The following ACTR3C variants were observed in gnomAD, a reference collection of about 807,000 sequenced individuals.
The protein encoded by ACTR3C is actin related protein 3C.
A neutral mutation model predicts 26.3 loss-of-function variants in ACTR3C; 18 were observed. The ratio of observed to expected loss-of-function variants is 0.68; its 90% CI spans 0.47 to 1.01. The LOEUF (loss-of-function observed/expected upper bound fraction) is 1.01. Ranked by LOEUF, ACTR3C falls within the 50% of genes least tolerant of loss-of-function variation. ACTR3C has a pLI of 0.00. For missense variants in ACTR3C, 184 were observed against 250.7 expected (o/e 0.73, Z 1.80); for synonymous variants, 55 against 94.5 (o/e 0.58, Z 2.42).
intron 6 of ACTR3C, among the ~76,000 whole-genome samples, chr7:150,249,698 G>A (rs866960042): frequency 3.0e-4 from 45 of 152,144 alleles, no homozygotes; most frequent in African/African-American, 1.0e-3. Context: ...CAGGTGATCC[G>A]CCTGCCTCGG....
At chr7:149,987,734 C>T in the ACTR3C span, among the ~76,000 whole-genome samples, 4 of 148,834 alleles carry the variant, frequency 2.7e-5, no homozygotes, top group Admixed American at 6.7e-5. Flanking sequence ...CATCATGCCT[C>T]GAAATCATTC....
the ACTR3C span, among the ~76,000 whole-genome samples, chr7:149,949,760 A>G: frequency 6.8e-6 from 1 of 147,112 alleles, no homozygotes; most frequent in South Asian, 2.1e-4. Context: ...GCAGAGTACA[A>G]TGTTCTGGCC....
At chr7:149,931,548 A>T in the ACTR3C span, among the ~76,000 whole-genome samples, 1 of 152,166 alleles carries the variant, frequency 6.6e-6, no homozygotes, top group African/African-American at 2.4e-5. Context: ...GTGACACGCC[A>T]TGGCTTTGCA....
At chr7:150,305,560 G>A (rs1795748969) in intron 1 of ACTR3C, among the ~76,000 whole-genome samples, 2 of 152,142 alleles carry the variant, frequency 1.3e-5, no homozygotes, top group African/African-American at 4.8e-5. Context: ...CTCATTGCTG[G>A]TCGTCTGCAT....
intron 1 of ACTR3C, among the ~76,000 whole-genome samples, chr7:150,307,727 G>C (rs1248747442): frequency 6.6e-6 from 1 of 152,112 alleles, no homozygotes; most frequent in African/African-American, 2.4e-5. Context: ...CTTGGTTCGG[G>C]GGACCTCCCT....
the ACTR3C span, among the ~76,000 whole-genome samples, chr7:150,193,102 A>C: frequency 1.3e-5 from 2 of 152,152 alleles, no homozygotes; most frequent in African/African-American, 2.4e-5. Context: ...TGTCTTCCCC[A>C]GTCAATCCTC....
the ACTR3C span, among the ~76,000 whole-genome samples, chr7:150,098,853 A>C: frequency 6.6e-6 from 1 of 151,582 alleles, no homozygotes; most frequent in East Asian, 1.9e-4. Flanking sequence ...GAACACAAGG[A>C]AATCACGTGG....
chr7:150,227,755 G>T, the ACTR3C span, among the ~76,000 whole-genome samples: 184 of 131,562 alleles, frequency 1.4e-3, no homozygotes, highest in African/African-American at 5.3e-3. Context: ...TTTTTGAAAA[G>T]ACTTTTTTTT....
the ACTR3C span, among the ~76,000 whole-genome samples, chr7:150,036,461 G>A: frequency 6.8e-4 from 99 of 146,074 alleles, 3 homozygotes; most frequent in African/African-American, 2.1e-3. Context: ...TTGTCAGATC[G>A]GGTAGCCCCA....
At chr7:150,150,308 G>T in the ACTR3C span, among the ~76,000 whole-genome samples, 1 of 152,174 alleles carries the variant, frequency 6.6e-6, no homozygotes, top group Non-Finnish European at 1.5e-5. Context: ...ATTTAGCATC[G>T]CTTGTTGACT....
At chr7:150,087,143 G>GTT in the ACTR3C span, among the ~76,000 whole-genome samples, 1,961 of 128,686 alleles carry the variant, frequency 0.015, 60 homozygotes, top group Admixed American at 0.092. Context: ...GTTGTATGTT[G>GTT]TTTTTTTTTA....
chr7:149,973,486 T>C, the ACTR3C span, among the ~76,000 whole-genome samples: 5 of 152,316 alleles, frequency 3.3e-5, no homozygotes, highest in African/African-American at 7.2e-5. Context: ...TGAGCTTTAA[T>C]TGAATTTAAA....
the ACTR3C span, among the ~76,000 whole-genome samples, chr7:149,981,364 A>T: frequency 6.6e-6 from 1 of 151,946 alleles, no homozygotes; most frequent in African/African-American, 2.4e-5. Flanking sequence ...CTATAACACT[A>T]TCACCTCAGA....
intron 6 of ACTR3C, among the ~76,000 whole-genome samples, chr7:150,255,951 C>G (rs1833191192): frequency 6.6e-6 from 1 of 152,150 alleles, no homozygotes; most frequent in Non-Finnish European, 1.5e-5. Context: ...AGTGGTTTCT[C>G]CAAGTAACAA....
the ACTR3C span, among the ~76,000 whole-genome samples, chr7:150,039,354 G>A: frequency 1.4e-5 from 2 of 146,396 alleles, no homozygotes; most frequent in Admixed American, 6.7e-5. Flanking sequence ...CCCTCGTGGG[G>A]TTGCCTCCCC....
chr7:150,276,338 A>C (rs939839901), intron 6 of ACTR3C, among the ~76,000 whole-genome samples: 18 of 152,180 alleles, frequency 1.2e-4, no homozygotes, highest in African/African-American at 4.3e-4. Flanking sequence ...AACCGCTCAT[A>C]GACATGCCTT....
chr7:149,901,056 G>A, the ACTR3C span, among the ~76,000 whole-genome samples: 3 of 152,274 alleles, frequency 2.0e-5, no homozygotes, highest in East Asian at 5.8e-4. Flanking sequence ...CACTGTATGA[G>A]TAGTAGCATT....
the ACTR3C span, among the ~76,000 whole-genome samples, chr7:149,915,557 T>C: frequency 0.031 from 4,732 of 151,894 alleles, 260 homozygotes; most frequent in African/African-American, 0.11. Context: ...TGGTTCAGGA[T>C]GAGGAAGAGT....
the ACTR3C span, among the ~76,000 whole-genome samples, chr7:149,994,049 A>AG: frequency 2.0e-5 from 3 of 152,214 alleles, no homozygotes; most frequent in Non-Finnish European, 4.4e-5. Flanking sequence ...TAAGGGAGCT[A>AG]GGGTTGTCTG....
Sources: allele counts gnomAD v4.1 joint callset (sites outside exome capture counted in the v4.1 genomes callset), GRCh38; gene constraint gnomAD v4.1.1; transcripts MANE v1.5; gene names NCBI Gene and HGNC (gene_info 2026-07-23, HGNC 2026-07-21).